The following ATE1 variants were observed in gnomAD, a reference collection of about 807,000 sequenced individuals.
ATE1 encodes arginyl-tRNA--protein transferase 1.
A neutral mutation model predicts 70.5 loss-of-function variants in ATE1; 36 were observed. The ratio of observed to expected loss-of-function variants is 0.51; its 90% CI spans 0.39 to 0.67. The LOEUF (loss-of-function observed/expected upper bound fraction) is 0.67. ATE1 is among the 30% of genes least tolerant of loss of function. The pLI, the probability that ATE1 is intolerant of heterozygous loss-of-function variation, is 0.00. For missense variants in ATE1, 593 were observed against 629.5 expected, an observed-to-expected ratio of 0.94 and a Z score of 0.62; for synonymous variants, 232 against 219.3, an observed-to-expected ratio of 1.06 and a Z score of -0.51.
chr10:121,924,263 T>C lies in ATE1; in HGVS notation c.170+3A>G, dbSNP rs1351157801. The C allele has an allele frequency of 1.9e-6, 3 of 1,613,674 alleles. No individual in the cohort carries two copies. Among genetic ancestry groups the C allele is most frequent in the Non-Finnish European group, 8.5e-7 (1 of 1,179,558 alleles). On this transcript the variant is annotated splice_donor_region_variant and intron_variant, in intron 2 of 11. Coordinates refer to ENST00000224652, the MANE Select transcript of ATE1 (RefSeq NM_001001976.3). ...GAAGTCTCTTTGTATCTGGAAGCTT[T>C]ACCTTCGCCATCCTCGGTCTATGAG... is the stretch of plus-strand genomic sequence containing the variant.
intron 10 of ATE1, among the ~76,000 whole-genome samples, chr10:121,809,062 A>T (rs1157318593): frequency 6.6e-6 from 1 of 152,214 alleles, no homozygotes; most frequent in Non-Finnish European, 1.5e-5. Flanking sequence ...CCAATTATCA[A>T]TCATGTTTTC....
intron 11 of ATE1, among the ~76,000 whole-genome samples, chr10:121,762,791 G>A (rs1209156858): frequency 6.6e-6 from 1 of 152,204 alleles, no homozygotes; most frequent in Non-Finnish European, 1.5e-5. Flanking sequence ...AATCTTAAAT[G>A]TACATATAGC....
intron 1 of ATE1, among the ~76,000 whole-genome samples, chr10:121,925,547 A>G (rs1241364992): frequency 6.6e-6 from 1 of 152,194 alleles, no homozygotes; most frequent in Non-Finnish European, 1.5e-5. Context: ...ATGAAAAAAA[A>G]CGAAGACTAT....
chr10:121,920,834 A>G (rs1035711377), intron 3 of ATE1, among the ~76,000 whole-genome samples: 2 of 151,922 alleles, frequency 1.3e-5, no homozygotes, highest in African/African-American at 4.8e-5. Flanking sequence ...CTCTACTAAA[A>G]ATACAAAAAA....
At chr10:121,789,814 T>A (rs1205509520) in intron 11 of ATE1, among the ~76,000 whole-genome samples, 1 of 152,190 alleles carries the variant, frequency 6.6e-6, no homozygotes, top group East Asian at 1.9e-4. Flanking sequence ...AATATTTCCA[T>A]CTTCTCTACA....
intron 3 of ATE1, among the ~76,000 whole-genome samples, chr10:121,920,480 T>C (rs898690302): frequency 2.0e-5 from 3 of 150,734 alleles, no homozygotes; most frequent in African/African-American, 7.3e-5. Flanking sequence ...CAGTGAGCCA[T>C]GGTTGTGCTA....
At chr10:121,870,838 T>C (rs112419653) in intron 7 of ATE1, among the ~76,000 whole-genome samples, 12 of 152,346 alleles carry the variant, frequency 7.9e-5, no homozygotes, top group African/African-American at 2.9e-4. Flanking sequence ...ATGACGGTAA[T>C]TCATAATGTT....
At chr10:121,897,586 TG>T (rs1950827287) in intron 7 of ATE1, among the ~76,000 whole-genome samples, 2 of 152,136 alleles carry the variant, frequency 1.3e-5, no homozygotes, top group South Asian at 4.1e-4. Flanking sequence ...CCCAGCACTC[TG>T]GGAGGCCAAG....
chr10:121,826,741 G>A lies in ATE1; in HGVS notation c.1257+9977C>T, dbSNP rs565968443. ...TAGGTAGTGCGCACAGCACCCAACAGGTAGTTTTTCAGCCCTTGCCACCTT... is the reference window on the plus strand; with the variant it reads ...TAGGTAGTGCGCACAGCACCCAACAAGTAGTTTTTCAGCCCTTGCCACCTT... On this transcript the variant is annotated intron_variant, in intron 10 of 11. Coordinates refer to ENST00000224652, the MANE Select transcript of ATE1 (RefSeq NM_001001976.3). Among the ~76,000 whole-genome samples, 18 of 152,294 alleles carry A rather than the reference G, an allele frequency of 1.2e-4. No homozygotes were observed. In the South Asian group the frequency reaches 2.7e-3, roughly 23 times the overall value.
At chr10:121,859,531 C>T (rs1235755619) in intron 8 of ATE1, among the ~76,000 whole-genome samples, 1 of 152,128 alleles carries the variant, frequency 6.6e-6, no homozygotes, top group African/African-American at 2.4e-5. Context: ...GCTGGGATTA[C>T]AGGCGTGAGC....
intron 11 of ATE1, among the ~76,000 whole-genome samples, chr10:121,766,316 A>T (rs1325474712): frequency 6.6e-6 from 1 of 152,278 alleles, no homozygotes; most frequent in African/African-American, 2.4e-5. Flanking sequence ...TGCATTCCTA[A>T]CTAGCAGGCA....
chr10:121,803,493 C>T (rs977491153), intron 10 of ATE1, among the ~76,000 whole-genome samples: 7 of 152,162 alleles, frequency 4.6e-5, no homozygotes, highest in African/African-American at 1.2e-4. Context: ...GTATGAACAC[C>T]TAAATTGTGT....
At chr10:121,911,342 A>G (rs1219077758) in intron 4 of ATE1, among the ~76,000 whole-genome samples, 191 bp from the exon 5 acceptor site, 1 of 152,040 alleles carries the variant, frequency 6.6e-6, no homozygotes, top group African/African-American at 2.4e-5. Context: ...TCATGCCTGT[A>G]ATTCCAGCTC....
intron 7 of ATE1, among the ~76,000 whole-genome samples, chr10:121,894,951 T>G (rs1950721871): frequency 6.6e-6 from 1 of 151,996 alleles, no homozygotes; most frequent in Non-Finnish European, 1.5e-5. Flanking sequence ...GAATACACAA[T>G]TCTCCAAAGA....
intron 10 of ATE1, among the ~76,000 whole-genome samples, chr10:121,821,793 A>G (rs1443782343): frequency 6.6e-6 from 1 of 152,174 alleles, no homozygotes; most frequent in Non-Finnish European, 1.5e-5. Flanking sequence ...AGACAGGAGA[A>G]TCACTTGAAC....
chr10:121,863,161 G>A (rs891017822), intron 8 of ATE1, among the ~76,000 whole-genome samples: 8 of 151,454 alleles, frequency 5.3e-5, no homozygotes, highest in Non-Finnish European at 1.0e-4. Context: ...TAAGTGGATC[G>A]CATTTCAAAT....
chr10:121,913,918 A>G (rs1224526511), intron 3 of ATE1, 25 bp from the exon 4 acceptor site: 41 of 1,558,922 alleles, frequency 2.6e-5, no homozygotes, highest in Non-Finnish European at 3.5e-5. Flanking sequence ...TAAATATTTA[A>G]AAAGTGAACT....
intron 11 of ATE1, among the ~76,000 whole-genome samples, chr10:121,769,153 A>T (rs1396564534): frequency 6.6e-6 from 1 of 152,236 alleles, no homozygotes. Context: ...TTTTAAAAAT[A>T]TAGATACAGA....
chr10:121,857,859 C>A (rs34796764), intron 8 of ATE1, among the ~76,000 whole-genome samples: 4 of 152,080 alleles, frequency 2.6e-5, no homozygotes, highest in Non-Finnish European at 5.9e-5. Flanking sequence ...CTCTCCTCTC[C>A]GCTGCCCCTG....
Sources: allele counts gnomAD v4.1 joint callset (sites outside exome capture counted in the v4.1 genomes callset), GRCh38; gene constraint gnomAD v4.1.1; transcripts MANE v1.5; gene names NCBI Gene and HGNC (gene_info 2026-07-23, HGNC 2026-07-21).